KIF13A: variants seen among roughly 807,000 people sequenced by gnomAD.
The protein encoded by KIF13A is kinesin family member 13A, also known as kinesin-like protein KIF13A.
A neutral mutation model predicts 212.2 loss-of-function variants in KIF13A; 79 were observed. The observed-to-expected ratio is 0.37, with a 90% CI of 0.31 to 0.45. KIF13A has a LOEUF of 0.45. Ranked by LOEUF, KIF13A falls within the 20% of genes least tolerant of loss-of-function variation. KIF13A has a pLI of 1.00. For synonymous variants in KIF13A, 789 were observed against 808.6 expected (o/e 0.98, Z 0.41); for missense variants, 1,901 against 2,209.0 (o/e 0.86, Z 2.79).
intron 4 of KIF13A, among the ~76,000 whole-genome samples, chr6:17,870,527 C>T (rs1769906050): frequency 6.7e-6 from 1 of 150,310 alleles, no homozygotes; most frequent in Admixed American, 6.6e-5. Flanking sequence ...TCTCTGTGGG[C>T]AATAATGGAG....
intron 2 of KIF13A, among the ~76,000 whole-genome samples, chr6:17,969,561 T>TTTTTC (rs1779623304): frequency 6.6e-6 from 1 of 152,242 alleles, no homozygotes; most frequent in South Asian, 2.1e-4. Flanking sequence ...TATACTTTTA[T>TTTTTC]TTTTCTTCCT....
At position 17,794,213 on chromosome 6, in the gene KIF13A, C is replaced by T. The variant is rs561174669; in HGVS notation, c.3222+36G>A. On this transcript the variant is annotated intron_variant, in intron 25 of 38. Coordinates refer to ENST00000259711, the MANE Select transcript of KIF13A (RefSeq NM_022113.6). The surrounding 1 kb of genome is among the most constrained non-coding windows in gnomAD (Gnocchi z 4.1). ...CCCCCTGGGACCTGCATTAACCAAG[C>T]TTTGTTAAATACTATTTTAAGTCTG... 23 of 1,562,958 alleles carry T rather than the reference C, an allele frequency of 1.5e-5. No homozygotes were observed. The highest frequency in any genetic ancestry group is 1.4e-4 in the Admixed American group (8 of 58,058).
Position 17,838,118 on chromosome 6 carries a change from T to C in KIF13A, c.831-535A>G, listed in dbSNP as rs1234494864. The stretch of plus-strand genomic sequence containing the variant: ...GATCATGAGGTCAGGGGTCAGGAGA[T>C]CAAGACCATCCTGGCCAACATGGTG... On this transcript the variant is annotated intron_variant, in intron 9 of 38. Coordinates refer to ENST00000259711, the MANE Select transcript of KIF13A (RefSeq NM_022113.6). The surrounding 1 kb of genome is among the most constrained non-coding windows in gnomAD (Gnocchi z 4.2). Among the ~76,000 whole-genome samples, 1 of 151,694 alleles carries C rather than the reference T, an allele frequency of 6.6e-6. No homozygotes were observed. Among genetic ancestry groups the C allele is most frequent in the Admixed American group, 6.6e-5 (1 of 15,234 alleles).
At chr6:17,930,558 T>C (rs753418790) in intron 2 of KIF13A, among the ~76,000 whole-genome samples, 2 of 152,196 alleles carry the variant, frequency 1.3e-5, no homozygotes, top group South Asian at 2.1e-4. Flanking sequence ...TCAGAGTTCA[T>C]ACAAAGGCTG....
At chr6:17,805,867 A>T (rs1453452448) in intron 18 of KIF13A, among the ~76,000 whole-genome samples, 1 of 150,944 alleles carries the variant, frequency 6.6e-6, no homozygotes, top group East Asian at 1.9e-4. Flanking sequence ...TCCTCTCTCC[A>T]GTTTTGATAT....
intron 2 of KIF13A, among the ~76,000 whole-genome samples, chr6:17,923,866 T>G (rs1193525957): frequency 6.6e-6 from 1 of 152,142 alleles, no homozygotes; most frequent in Admixed American, 6.6e-5. Context: ...TTAAAAACCT[T>G]TCCCTAAGAT....
At chr6:17,958,884 T>C (rs923932760) in intron 2 of KIF13A, among the ~76,000 whole-genome samples, 4 of 119,590 alleles carry the variant, frequency 3.3e-5, no homozygotes, top group South Asian at 2.8e-4. Context: ...TTCTTTTTTT[T>C]TTTTTTTTTT....
chr6:17,812,663 G>A (rs886515806), intron 17 of KIF13A: 2 of 152,150 alleles, frequency 1.3e-5, no homozygotes, highest in Non-Finnish European at 2.9e-5. Context: ...CTTTATGGTA[G>A]AACAACTTAT....
intron 3 of KIF13A, among the ~76,000 whole-genome samples, chr6:17,876,758 C>T (rs1274572420): frequency 1.3e-5 from 2 of 152,122 alleles, no homozygotes; most frequent in Non-Finnish European, 2.9e-5. Flanking sequence ...CCTCAGCCTC[C>T]TGAGTAGCTG....
At chr6:17,877,325 C>A (rs1213911319) in intron 3 of KIF13A, among the ~76,000 whole-genome samples, 1 of 152,066 alleles carries the variant, frequency 6.6e-6, no homozygotes, top group Admixed American at 6.6e-5. Flanking sequence ...TTTATAATAA[C>A]CAAGTTTCAA....
intron 3 of KIF13A, chr6:17,881,443 TAA>T (rs34985576): frequency 0.02 from 7,336 of 374,630 alleles, no homozygotes; most frequent in South Asian, 0.027. Context: ...AATTTACAGT[TAA>T]AAAAAAAAAA....
chr6:17,879,762 A>G (rs192280282), intron 3 of KIF13A, among the ~76,000 whole-genome samples: 174 of 152,302 alleles, frequency 1.1e-3, no homozygotes, highest in African/African-American at 3.8e-3. Context: ...TCCATAAACT[A>G]TTTACAAACT....
intron 4 of KIF13A, among the ~76,000 whole-genome samples, chr6:17,869,269 T>TG (rs1769778223): frequency 6.6e-6 from 1 of 152,126 alleles, no homozygotes; most frequent in Admixed American, 6.6e-5. Context: ...TAGCAGTTTG[T>TG]GGCAAAACCA....
rs1325109702 is a variant in KIF13A, at chr6:17,828,134, T to C, written c.1532+106A>G. ...AGCAAGGGCCCCCTGAGGACCCCCATGTATCCTTAACTTTAATATAGCTGA... is the reference window on the plus strand; with the variant it reads ...AGCAAGGGCCCCCTGAGGACCCCCACGTATCCTTAACTTTAATATAGCTGA... On this transcript the variant is annotated intron_variant, in intron 14 of 38. Transcript: ENST00000259711. This position sits in a 1 kb window ranked among gnomAD's most constrained non-coding sequence, Gnocchi z 4.3. 4 of 1,135,680 alleles carry C rather than the reference T, an allele frequency of 3.5e-6. No individual in the cohort carries two copies. The highest frequency in any genetic ancestry group is 3.1e-5 in the African/African-American group (2 of 63,922). The allele number at this position is 1,135,680 out of a possible 1,614,324, so 70.4% of individuals were successfully genotyped here. A position where few individuals can be genotyped will look rare whatever the true frequency, so the allele number is the denominator to read the frequency against.
At chr6:17,815,242 C>G (rs1033007345) in intron 17 of KIF13A, among the ~76,000 whole-genome samples, 1 of 152,196 alleles carries the variant, frequency 6.6e-6, no homozygotes, top group Non-Finnish European at 1.5e-5. Flanking sequence ...GCCAGGCGTA[C>G]AGGGTGGAAC....
At chr6:17,784,456 C>T (rs1479011521) in intron 28 of KIF13A, among the ~76,000 whole-genome samples, 1 of 152,030 alleles carries the variant, frequency 6.6e-6, no homozygotes, top group Non-Finnish European at 1.5e-5. Context: ...CCAACTTGCC[C>T]AGCTGCATCA....
intron 2 of KIF13A, among the ~76,000 whole-genome samples, chr6:17,959,204 C>T (rs1384082143): frequency 3.9e-5 from 6 of 152,040 alleles, no homozygotes; most frequent in Non-Finnish European, 2.9e-5. Context: ...ATGTTTACTC[C>T]GTGCTAGGTA....
At chr6:17,861,052 T>C (rs938648315) in intron 4 of KIF13A, among the ~76,000 whole-genome samples, 3 of 152,202 alleles carry the variant, frequency 2.0e-5, no homozygotes, top group African/African-American at 7.2e-5. Flanking sequence ...ATTTCAAATA[T>C]AGTCAACTTC....
intron 17 of KIF13A, chr6:17,815,584 C>T: frequency 2.3e-6 from 1 of 437,924 alleles, no homozygotes; most frequent in Non-Finnish European, 4.7e-6. Context: ...GGTCACTTCT[C>T]ACTGTGTCCC....
Sources: gnomAD v4.1 joint callset for allele counts (sites outside exome capture counted in the v4.1 genomes callset) on GRCh38, gnomAD v4.1.1 for gene constraint, Gnocchi (gnomAD v3.1) non-coding constraint, MANE v1.5 for transcripts, NCBI Gene and HGNC (gene_info 2026-07-23, HGNC 2026-07-21) for gene names.